Variants in ASPSCR1 observed in about 807,000 individuals in gnomAD.
ASPSCR1 encodes the protein tether containing UBX domain for GLUT4.
A neutral mutation model predicts 68.9 loss-of-function variants in ASPSCR1; 55 were observed. The observed-to-expected ratio is 0.80, with a 90% confidence interval of 0.64 to 1.00. The LOEUF is 1.00. Ranked by LOEUF, ASPSCR1 falls within the 50% of genes least tolerant of loss-of-function variation. ASPSCR1 has a pLI of 0.00. For synonymous variants in ASPSCR1, 352 were observed against 332.6 expected (o/e 1.06, Z -0.63); for missense variants, 765 against 762.2 (o/e 1.00, Z -0.04).
In ASPSCR1 at chr17:81,987,236, G is replaced by T. The variant is rs930045504; in HGVS notation, c.374+1629G>T. Among the ~76,000 whole-genome samples the T allele has an allele frequency of 6.6e-6, 1 of 152,142 alleles. No homozygotes were observed. Among genetic ancestry groups the T allele is most frequent in the Non-Finnish European group, 1.5e-5 (1 of 68,034 alleles). The stretch of plus-strand genomic sequence containing the variant: ...GCAAAGCGAAGCCACGGGCAGGGGT[G>T]AGCGGGACCCGAGCCAGGAGTGGCG... On this transcript the variant is annotated intron_variant, in intron 4 of 15. Transcript: ENST00000306739. This position sits in a 1 kb window ranked among gnomAD's most constrained non-coding sequence, Gnocchi z 5.6.
intron 4 of ASPSCR1, 94 bp from the exon 5 acceptor site, chr17:81,994,727 A>T: frequency 7.5e-7 from 1 of 1,326,620 alleles, no homozygotes; most frequent in Non-Finnish European, 1.1e-6. Context: ...TGAGGGCCCC[A>T]CACCTTTGCT....
At chr17:81,995,494 C>T (rs2042307037) in intron 5 of ASPSCR1, 1 of 254,596 alleles carries the variant, frequency 3.9e-6, no homozygotes, top group East Asian at 1.1e-4. Context: ...GGCTTTTGTG[C>T]TGGGCCATTG....
chr17:82,009,311 G>A (rs1437576242), intron 8 of ASPSCR1, 120 bp downstream of exon 8: 4 of 1,421,060 alleles, frequency 2.8e-6, no homozygotes, highest in South Asian at 2.9e-5. Flanking sequence ...CTGACAGGCT[G>A]CCCTTAACAG....
Position 82,016,478 on chromosome 17 carries a change from G to A in ASPSCR1, c.1356G>A (p.Ala452=), listed in dbSNP as rs1365945135. The A allele has an allele frequency of 9.7e-6, 15 of 1,548,394 alleles. No homozygotes were observed. The highest frequency in any genetic ancestry group is 5.5e-5 in the African/African-American group (4 of 73,008). ...LDDHTQTLFQ[A]NLFPAALVHL... ...TGAGCCCCCCGCCCTCCCTGCAGGC[G>A]AACCTCTTCCCGGCCGCTCTGGTGC... is the stretch of plus-strand genomic sequence containing the variant. Residue 452 remains alanine (A), a splice_region_variant and synonymous_variant, in exon 13 of 16, where the codon GCG becomes GCA. Coordinates refer to ENST00000306739, the MANE Select transcript of ASPSCR1 (RefSeq NM_024083.4).
At chr17:81,997,487 G>GTTTTTTTTTTTTTTTT (rs774654669) in intron 7 of ASPSCR1, among the ~76,000 whole-genome samples, 1 of 135,906 alleles carries the variant, frequency 7.4e-6, no homozygotes, top group Non-Finnish European at 1.6e-5. Flanking sequence ...TTTTTTCTGG[G>GTTTTTTTTTTTTTTTT]TTTTTTTTTT....
chr17:81,985,374 C>T (rs539197568), intron 3 of ASPSCR1, 133 bp from the exon 4 acceptor site: 19 of 863,884 alleles, frequency 2.2e-5, no homozygotes, highest in Non-Finnish European at 3.2e-5. Context: ...TAGCCTTCTC[C>T]GTGGGGGTCA....
chr17:82,011,227 A>G (rs1421602159), intron 10 of ASPSCR1, among the ~76,000 whole-genome samples: 1 of 146,912 alleles, frequency 6.8e-6, no homozygotes, highest in Non-Finnish European at 1.5e-5. Context: ...ACCTGTACCC[A>G]GACGGCCGGG....
At chr17:82,001,714 C>T (rs901616246) in intron 7 of ASPSCR1, among the ~76,000 whole-genome samples, 7 of 152,214 alleles carry the variant, frequency 4.6e-5, no homozygotes, top group African/African-American at 1.2e-4. Context: ...CTCTCCTCCC[C>T]GTTGGGCCCA....
intron 12 of ASPSCR1, chr17:82,013,182 AC>A (rs1361762432): frequency 6.6e-6 from 1 of 152,134 alleles, no homozygotes; most frequent in East Asian, 1.9e-4. Flanking sequence ...GAGGGGTGAG[AC>A]AGTCCCCTCT....
chr17:81,993,237 G>A (rs1303838623), intron 4 of ASPSCR1, among the ~76,000 whole-genome samples: 6 of 152,004 alleles, frequency 3.9e-5, no homozygotes, highest in South Asian at 2.1e-4. Flanking sequence ...TGTTTGAGAC[G>A]GAGTCTCGCT....
rs768743187 is a variant in ASPSCR1 at position 81,996,473 on chromosome 17, C to T, written c.560C>T (p.Ser187Leu). 2.1e-4 allele frequency: 331 copies of T among 1,610,024 alleles called. 3 individuals are homozygous for T. The Middle Eastern group carries it at 3.0e-3, about 15-fold the overall frequency. ...PVGKTPGSLGSSASAGQAAAS... is the reference protein window; with the variant it reads ...PVGKTPGSLGLSASAGQAAAS... The stretch of plus-strand genomic sequence containing the variant: ...GGCAAGACCCCAGGAAGCCTGGGCT[C>T]GTCAGCGTCGGCTGGCCAGGCAGCC... The change falls in exon 7 of 16, where the codon TCG becomes TTG. Residue 187 changes from serine to leucine, a missense_variant. By Grantham distance (145) the Ser-to-Leu change is moderately radical. Coordinates refer to ENST00000306739, the MANE Select transcript of ASPSCR1 (RefSeq NM_024083.4).
At position 82,017,207 on chromosome 17, in the gene ASPSCR1, G is replaced by T. The variant is rs1262089692; in HGVS notation, c.1648+94G>T. 3.1e-6 allele frequency: 5 copies of T among 1,587,658 alleles called. No homozygotes were observed. The African/African-American group carries it at 6.7e-5, about 21-fold the overall frequency. On this transcript the variant is annotated intron_variant, in intron 15 of 15. Coordinates refer to ENST00000306739, the MANE Select transcript of ASPSCR1 (RefSeq NM_024083.4). The stretch of plus-strand genomic sequence containing the variant: ...GGGTCAGTGGGCTGGGGGGCTAGGT[G>T]CTGTGGCCGGCAGGGCCGAGTGCTT...
rs1448066700 is a variant in ASPSCR1 at position 81,990,104 on chromosome 17, A to C, written c.374+4497A>C. On this transcript the variant is annotated intron_variant, in intron 4 of 15. Coordinates refer to ENST00000306739, the MANE Select transcript of ASPSCR1 (RefSeq NM_024083.4). This position sits in a 1 kb window ranked among gnomAD's most constrained non-coding sequence, Gnocchi z 4.1. Reference sequence around the variant, plus strand: ...ACTCACTTTTTCTTGTAACCGCATTAAAGAAGAAATAAAAACAGGTGTCAT... The same window carrying C: ...ACTCACTTTTTCTTGTAACCGCATTCAAGAAGAAATAAAAACAGGTGTCAT... Among the ~76,000 whole-genome samples, 1 of 152,188 alleles carries C rather than the reference A, an allele frequency of 6.6e-6. No individual in the cohort carries two copies. Among genetic ancestry groups the C allele is most frequent in the Non-Finnish European group, 1.5e-5 (1 of 68,036 alleles).
chr17:82,016,713 A>G, intron 13 of ASPSCR1, 87 bp from the exon 14 acceptor site: 2 of 1,504,016 alleles, frequency 1.3e-6, no homozygotes, highest in Non-Finnish European at 1.8e-6. Context: ...CCCCCCTCCC[A>G]GAGCTGAGTG....
At chr17:82,010,719 G>T in intron 9 of ASPSCR1, 83 bp from the exon 10 acceptor site, 1 of 1,431,866 alleles carries the variant, frequency 7.0e-7, no homozygotes, top group Non-Finnish European at 9.8e-7. Context: ...CCATGGCCCA[G>T]CATGGGCCGA....
chr17:82,012,046 C>T (rs963222857), intron 11 of ASPSCR1, 185 bp from the exon 12 acceptor site: 1 of 759,146 alleles, frequency 1.3e-6, no homozygotes, highest in Non-Finnish European at 2.3e-6. Context: ...GCCTGCCCCC[C>T]ACCGGCCCTT....
At chr17:81,989,483 G>A (rs1044528792) in intron 4 of ASPSCR1, among the ~76,000 whole-genome samples, 6 of 152,186 alleles carry the variant, frequency 3.9e-5, no homozygotes, top group African/African-American at 7.2e-5. Context: ...AGAGTGGGAC[G>A]GGCGGGAAGC....
intron 4 of ASPSCR1, among the ~76,000 whole-genome samples, chr17:81,993,362 C>T (rs546789388): frequency 2.6e-5 from 4 of 152,234 alleles, no homozygotes; most frequent in South Asian, 4.1e-4. Flanking sequence ...CACAGGCGCC[C>T]GCCACCACGC....
intron 14 of ASPSCR1, 28 bp downstream of exon 14, chr17:82,016,897 TCCCGTGGCGGCA>T: frequency 6.2e-7 from 1 of 1,612,224 alleles, no homozygotes; most frequent in Non-Finnish European, 8.5e-7. Flanking sequence ...TGGGGGCACC[TCCCGTGGCGGCA>T]CTCACCACTC....
Sources: gnomAD v4.1 joint callset for allele counts (sites outside exome capture counted in the v4.1 genomes callset) on GRCh38, gnomAD v4.1.1 for gene constraint, Gnocchi (gnomAD v3.1) non-coding constraint, MANE v1.5 for transcripts, NCBI Gene and HGNC (gene_info 2026-07-23, HGNC 2026-07-21) for gene names.